SHB: variants seen among roughly 807,000 people sequenced by gnomAD.
SHB encodes the protein SH2 domain containing adaptor protein B.
Under a neutral mutation model 52.3 loss-of-function variants are expected in SHB, and 20 were observed. The observed-to-expected ratio is 0.38, with a 90% CI of 0.27 to 0.56. The LOEUF is 0.56. Ranked by LOEUF, SHB falls within the 20% of genes least tolerant of loss-of-function variation. The probability of loss-of-function intolerance (pLI) is 0.71; values close to 1 mark genes in which losing one functional copy is unlikely to be tolerated. For missense variants in SHB, 825 were observed against 723.3 expected (o/e 1.14, Z -1.61); for synonymous variants, 397 against 316.5 (o/e 1.25, Z -2.70).
chr9:37,983,116 G>A (rs1820758943), intron 2 of SHB, among the ~76,000 whole-genome samples: 1 of 152,176 alleles, frequency 6.6e-6, no homozygotes, highest in Non-Finnish European at 1.5e-5. Flanking sequence ...GTAGGAGAAG[G>A]CAGAGCTCCC....
intron 5 of SHB, among the ~76,000 whole-genome samples, chr9:37,948,314 C>T (rs1832517726): frequency 6.6e-6 from 1 of 152,158 alleles, no homozygotes; most frequent in Admixed American, 6.5e-5. Flanking sequence ...GGACCATCGT[C>T]GTGGGCTTTG....
rs1354134251 is a variant in SHB, at chr9:37,974,679, C to T, written c.997G>A (p.Ala333Thr). 36 of 1,613,746 alleles carry T rather than the reference C, an allele frequency of 2.2e-5. No individual in the cohort carries two copies. Among genetic ancestry groups the T allele is most frequent in the Non-Finnish European group, 3.0e-5 (35 of 1,179,960 alleles). The stretch of plus-strand genomic sequence containing the variant: ...TCCCAAGGCTGGTCGTACTCATCGG[C>T]GGGCCTGTCGTCATCCTGGGGCAGC... ...SKLPQDDDRPADEYDQPWEWN... is the reference protein window; with the variant it reads ...SKLPQDDDRPTDEYDQPWEWN... Residue 333 changes from alanine to threonine, a missense_variant, in exon 3 of 6, where the codon GCC becomes ACC. Physicochemically the swap from Ala to Thr is moderately conservative, Grantham distance 58. Coordinates refer to ENST00000377707, the MANE Select transcript of SHB (RefSeq NM_003028.3).
chr9:38,018,506 GAA>G (rs56253637), intron 1 of SHB, among the ~76,000 whole-genome samples: 1 of 140,436 alleles, frequency 7.1e-6, no homozygotes, highest in African/African-American at 2.7e-5. Context: ...TCCTTCCATT[GAA>G]AAAAAAAAAA....
intron 1 of SHB, among the ~76,000 whole-genome samples, chr9:38,034,552 T>C (rs1821458506): frequency 6.6e-6 from 1 of 152,232 alleles, no homozygotes; most frequent in Non-Finnish European, 1.5e-5. Flanking sequence ...TGAAATCTTT[T>C]TGAGAACTTC....
intron 2 of SHB, among the ~76,000 whole-genome samples, chr9:37,976,306 G>C (rs1820652953): frequency 6.6e-6 from 1 of 152,202 alleles, no homozygotes; most frequent in Non-Finnish European, 1.5e-5. Context: ...AAAGTGCTGG[G>C]ATTACAGGTG....
At chr9:37,936,360 T>C (rs1290272639) in intron 5 of SHB, among the ~76,000 whole-genome samples, 2 of 152,228 alleles carry the variant, frequency 1.3e-5, no homozygotes, top group African/African-American at 2.4e-5. Context: ...TTTGGCATAG[T>C]GCCTTCCTAT....
In SHB at chr9:38,068,739, CG is replaced by C; in HGVS notation, c.-95del. On this transcript the variant is annotated 5_prime_UTR_variant, in exon 1 of 6. Transcript: ENST00000377707. The stretch of plus-strand genomic sequence containing the variant: ...CTGCGGCGCAGGTCCCTCGGCGCCC[CG>C]GCCCCGGCGGGGGGCGTCCGGGGCG... 2 of 760,188 alleles carry C rather than the reference CG, an allele frequency of 2.6e-6. No individual in the cohort carries two copies. The highest frequency in any genetic ancestry group is 3.3e-6 in the Non-Finnish European group (2 of 606,916). The allele number at this position is 760,188 out of a possible 1,614,324, so 47.1% of individuals were successfully genotyped here.
chr9:38,060,491 G>A (rs1011064882), intron 1 of SHB, among the ~76,000 whole-genome samples: 1 of 152,180 alleles, frequency 6.6e-6, no homozygotes, highest in African/African-American at 2.4e-5. Context: ...CCTGACTTTA[G>A]ACAAGTGACT....
chr9:37,936,248 T>G (rs1414018589), intron 5 of SHB, among the ~76,000 whole-genome samples: 2 of 151,790 alleles, frequency 1.3e-5, no homozygotes, highest in East Asian at 3.9e-4. Flanking sequence ...AAAACACCAT[T>G]ATAAAAGAGA....
At chr9:38,066,722 T>C (rs114771906) in intron 1 of SHB, among the ~76,000 whole-genome samples, 2,309 of 152,182 alleles carry the variant, frequency 0.015, 54 homozygotes, top group African/African-American at 0.053. Context: ...GCAGAAAAAC[T>C]AGAGGGACAT....
intron 1 of SHB, among the ~76,000 whole-genome samples, chr9:38,018,987 C>A (rs1220089251): frequency 1.3e-5 from 2 of 152,230 alleles, no homozygotes; most frequent in African/African-American, 4.8e-5. Context: ...GTGGACAACT[C>A]CTGTATATCT....
intron 2 of SHB, 70 bp from the exon 3 acceptor site, chr9:37,974,907 A>G (rs1376446340): frequency 1.6e-6 from 2 of 1,279,144 alleles, no homozygotes; most frequent in South Asian, 1.2e-5. Flanking sequence ...TCCCACCCAG[A>G]AACACCACAA....
intron 2 of SHB, among the ~76,000 whole-genome samples, chr9:37,982,636 G>A (rs1024448008): frequency 3.8e-4 from 37 of 97,702 alleles, no homozygotes; most frequent in African/African-American, 1.6e-3. Context: ...ACTAAAAACA[G>A]AAGAAAAAAA....
chr9:37,964,730 C>T (rs1370387275), intron 3 of SHB, among the ~76,000 whole-genome samples: 1 of 152,172 alleles, frequency 6.6e-6, no homozygotes, highest in African/African-American at 2.4e-5. Context: ...TCAAAAACAA[C>T]CATAGTAACC....
chr9:37,934,942 CA>C (rs1204551834), intron 5 of SHB, among the ~76,000 whole-genome samples: 7 of 152,178 alleles, frequency 4.6e-5, no homozygotes, highest in African/African-American at 1.4e-4. Context: ...TTGAGTTCCA[CA>C]AAGTTACTTA....
intron 1 of SHB, among the ~76,000 whole-genome samples, chr9:38,036,387 C>T (rs1436118293): frequency 1.3e-5 from 2 of 152,232 alleles, no homozygotes; most frequent in East Asian, 3.8e-4. Context: ...TGTATTTCTT[C>T]AGTCCTAACA....
At chr9:37,988,867 G>C (rs768355611) in intron 2 of SHB, among the ~76,000 whole-genome samples, 34 of 152,204 alleles carry the variant, frequency 2.2e-4, no homozygotes, top group Non-Finnish European at 3.4e-4. Context: ...GACTGCCTTT[G>C]AGCTGGGGCA....
At chr9:37,961,312 T>C (rs946947183) in intron 3 of SHB, among the ~76,000 whole-genome samples, 4 of 152,212 alleles carry the variant, frequency 2.6e-5, no homozygotes, top group African/African-American at 4.8e-5. Flanking sequence ...AGAAGTTTCA[T>C]GTGGAGAAGG....
intron 2 of SHB, among the ~76,000 whole-genome samples, chr9:37,976,799 G>C (rs1820662978): frequency 6.6e-6 from 1 of 152,194 alleles, no homozygotes; most frequent in Non-Finnish European, 1.5e-5. Context: ...TCAGAATTCT[G>C]ATGGCATAAA....
Sources: allele counts gnomAD v4.1 joint callset (sites outside exome capture counted in the v4.1 genomes callset), GRCh38; gene constraint gnomAD v4.1.1; transcripts MANE v1.5; gene names NCBI Gene and HGNC (gene_info 2026-07-23, HGNC 2026-07-21).